Variants in GRIK2 observed in about 807,000 individuals in gnomAD.
The protein encoded by GRIK2 is glutamate ionotropic receptor kainate type subunit 2.
Under a neutral mutation model 100.3 loss-of-function variants are expected in GRIK2, and 32 were observed. The ratio of observed to expected loss-of-function variants is 0.32; its 90% CI spans 0.24 to 0.43. The LOEUF (loss-of-function observed/expected upper bound fraction) is 0.43. Ranked by LOEUF, GRIK2 falls within the 20% of genes least tolerant of loss-of-function variation. The pLI, the probability that GRIK2 is intolerant of heterozygous loss-of-function variation, is 1.00. For missense variants in GRIK2, 843 were observed against 1,114.9 expected (o/e 0.76, Z 3.47); for synonymous variants, 417 against 389.4 (o/e 1.07, Z -0.83).
At chr6:101,747,925 G>A (rs1352663650) in intron 7 of GRIK2, among the ~76,000 whole-genome samples, 1 of 152,122 alleles carries the variant, frequency 6.6e-6, no homozygotes, top group Non-Finnish European at 1.5e-5. Flanking sequence ...GTGTGCTATA[G>A]AGGCCAACAG....
At chr6:101,804,920 A>T (rs1041116318) in intron 9 of GRIK2, among the ~76,000 whole-genome samples, 1 of 151,954 alleles carries the variant, frequency 6.6e-6, no homozygotes, top group Non-Finnish European at 1.5e-5. Flanking sequence ...TAAGTAGCAA[A>T]AAGTCCTCAT....
rs186898146 is a variant in GRIK2 at position 101,495,437 on chromosome 6, C to G, written c.115+96045C>G. ...AGGAGAATGGCGTGAACCAGGGAGGCAGAGCTGGCAGTGAGCCAAGATCTT... is the reference window on the plus strand; with the variant it reads ...AGGAGAATGGCGTGAACCAGGGAGGGAGAGCTGGCAGTGAGCCAAGATCTT... On this transcript the variant is annotated intron_variant, in intron 2 of 16. Transcript: ENST00000369134. Among the ~76,000 whole-genome samples the G allele has an allele frequency of 6.6e-5, 10 of 152,168 alleles. No individual in the cohort carries two copies. The East Asian group carries it at 1.2e-3, about 18-fold the overall frequency.
chr6:101,954,273 CAT>C (rs1358202054), intron 14 of GRIK2, among the ~76,000 whole-genome samples: 3 of 152,080 alleles, frequency 2.0e-5, no homozygotes, highest in African/African-American at 4.8e-5. Flanking sequence ...CAAAAAGCCA[CAT>C]GAGGTATTAA....
chr6:101,802,028 C>A (rs1780702762), intron 8 of GRIK2, among the ~76,000 whole-genome samples: 1 of 151,690 alleles, frequency 6.6e-6, no homozygotes, highest in South Asian at 2.1e-4. Context: ...TAACTAAATT[C>A]TTCTCACTTT....
intron 14 of GRIK2, among the ~76,000 whole-genome samples, chr6:102,030,393 G>C (rs1477346683): frequency 6.6e-6 from 1 of 150,802 alleles, no homozygotes; most frequent in Non-Finnish European, 1.5e-5. Context: ...TCATCTTCAG[G>C]GTTGTACTTT....
chr6:101,800,837 A>T (rs1780624429), intron 8 of GRIK2, among the ~76,000 whole-genome samples: 4 of 152,040 alleles, frequency 2.6e-5, no homozygotes, highest in Admixed American at 6.6e-5. Context: ...TCAGCACTAG[A>T]TTATTGAAAC....
chr6:101,941,279 A>C (rs572794107), intron 14 of GRIK2, among the ~76,000 whole-genome samples: 95 of 152,234 alleles, frequency 6.2e-4, no homozygotes, highest in Non-Finnish European at 1.1e-3. Context: ...AGAAGAATTA[A>C]ATGAAAATGT....
Position 101,679,347 on chromosome 6 carries a change from T to C in GRIK2, c.723+2543T>C, listed in dbSNP as rs559580752. ...CATATTATCTGCCTAGATAACTGCA[T>C]GTGTTAATTCATCATATAGCATAGC... On this transcript the variant is annotated intron_variant, in intron 5 of 16. Coordinates refer to ENST00000369134, the MANE Select transcript of GRIK2 (RefSeq NM_021956.5). 3.3e-5 allele frequency among the ~76,000 whole-genome samples: 5 copies of C among 152,326 alleles called. No homozygotes were observed. In the South Asian group the frequency reaches 1.0e-3, roughly 32 times the overall value.
At chr6:101,535,715 G>T (rs984082803) in intron 2 of GRIK2, among the ~76,000 whole-genome samples, 1 of 151,644 alleles carries the variant, frequency 6.6e-6, no homozygotes, top group Non-Finnish European at 1.5e-5. Flanking sequence ...ATATGATATG[G>T]ATGAGTTATG....
chr6:102,001,101 A>G (rs1010062368), intron 14 of GRIK2, among the ~76,000 whole-genome samples: 1 of 152,096 alleles, frequency 6.6e-6, no homozygotes, highest in African/African-American at 2.4e-5. Flanking sequence ...TATTTGCCAT[A>G]ACATAACATA....
chr6:101,542,807 T>G (rs1357276154), intron 2 of GRIK2, among the ~76,000 whole-genome samples: 1 of 152,040 alleles, frequency 6.6e-6, no homozygotes, highest in Non-Finnish European at 1.5e-5. Context: ...GAAATGAAAA[T>G]TCAGTGATAT....
At chr6:101,658,012 C>T (rs1769322957) in intron 4 of GRIK2, among the ~76,000 whole-genome samples, 1 of 151,894 alleles carries the variant, frequency 6.6e-6, no homozygotes, top group African/African-American at 2.4e-5. Flanking sequence ...ACCAACCCAT[C>T]CTTAGATATG....
intron 2 of GRIK2, among the ~76,000 whole-genome samples, chr6:101,523,718 G>GTTTTTTTTTT (rs1562199711): frequency 2.3e-4 from 29 of 125,932 alleles, no homozygotes; most frequent in Non-Finnish European, 3.9e-4. Flanking sequence ...TGACTCCTAA[G>GTTTTTTTTTT]TCTTTTTTTT....
rs553293700 is a variant in GRIK2, at chr6:101,528,552, C to G, written c.116-93397C>G. On this transcript the variant is annotated intron_variant, in intron 2 of 16. Transcript: ENST00000369134. Reference sequence around the variant, plus strand: ...TATTTTCTGATGTTCCTGAGCCAAACCTGACTCTACCATAGAATGACAAGC... The same window carrying G: ...TATTTTCTGATGTTCCTGAGCCAAAGCTGACTCTACCATAGAATGACAAGC... 3.3e-5 allele frequency among the ~76,000 whole-genome samples: 5 copies of G among 152,078 alleles called. No homozygotes were observed. The South Asian group carries it at 1.0e-3, about 32-fold the overall frequency.
chr6:101,442,095 G>A (rs186948997), intron 2 of GRIK2, among the ~76,000 whole-genome samples: 20 of 152,184 alleles, frequency 1.3e-4, no homozygotes, highest in African/African-American at 4.8e-4. Context: ...AAGGTTTGCT[G>A]GATGGCAGAA....
chr6:101,509,390 T>A (rs1035498843), intron 2 of GRIK2, among the ~76,000 whole-genome samples: 1 of 152,150 alleles, frequency 6.6e-6, no homozygotes, highest in Non-Finnish European at 1.5e-5. Context: ...GAACATTGTG[T>A]GTGCTGAGTT....
intron 11 of GRIK2, among the ~76,000 whole-genome samples, chr6:101,865,941 C>G: frequency 6.7e-6 from 1 of 148,212 alleles, no homozygotes; most frequent in Admixed American, 6.7e-5. Flanking sequence ...AAAAAAATTA[C>G]AACCAACAAC....
chr6:102,042,317 C>CTCTT (rs899790459), intron 15 of GRIK2, among the ~76,000 whole-genome samples: 22 of 151,612 alleles, frequency 1.5e-4, no homozygotes, highest in African/African-American at 5.1e-4. Flanking sequence ...AATTTCATTA[C>CTCTT]TCTTTCTTTC....
At chr6:101,803,725 A>G (rs780507500) in intron 9 of GRIK2, among the ~76,000 whole-genome samples, 21 of 152,010 alleles carry the variant, frequency 1.4e-4, no homozygotes, top group African/African-American at 3.6e-4. Context: ...TGACATTTCA[A>G]TACATCTGCA....
Sources: gnomAD v4.1 joint callset for allele counts (sites outside exome capture counted in the v4.1 genomes callset) on GRCh38, gnomAD v4.1.1 for gene constraint, MANE v1.5 for transcripts, NCBI Gene and HGNC (gene_info 2026-07-23, HGNC 2026-07-21) for gene names.